SORCS1: variants seen among roughly 807,000 people sequenced by gnomAD.
The protein encoded by SORCS1 is sortilin related VPS10 domain containing receptor 1.
A neutral mutation model predicts 146.1 loss-of-function variants in SORCS1; 60 were observed. That is an observed-to-expected ratio of 0.41 (90% CI 0.33 to 0.51). SORCS1 has a LOEUF of 0.51. Among genes scored for constraint, SORCS1 ranks in the 20% least tolerant of loss-of-function variants. The probability of loss-of-function intolerance (pLI) is 0.21; values close to 1 mark genes in which losing one functional copy is unlikely to be tolerated. For missense variants in SORCS1, 1,352 were observed against 1,487.6 expected, an observed-to-expected ratio of 0.91 and a Z score of 1.50; for synonymous variants, 637 against 584.0, an observed-to-expected ratio of 1.09 and a Z score of -1.31.
rs983300488 is a variant in SORCS1, at chr10:107,013,159, G to GC, written c.559-56580dup. Among the ~76,000 whole-genome samples, 96 of 152,238 alleles carry GC rather than the reference G, an allele frequency of 6.3e-4. 2 individuals carry two copies. Among genetic ancestry groups the GC allele is most frequent in the African/African-American group, 2.3e-3 (95 of 41,554 alleles). On this transcript the variant is annotated intron_variant, in intron 1 of 25. Transcript: ENST00000263054. ...TAAACAAATAGAAAGTCTGAACACT[G>GC]CCCCTTGGCTTTTGGCAGGCTCCCT...
intron 2 of SORCS1, among the ~76,000 whole-genome samples, chr10:106,870,063 G>T (rs1435359975): frequency 1.3e-5 from 2 of 151,930 alleles, no homozygotes; most frequent in Non-Finnish European, 2.9e-5. Flanking sequence ...CAAGCAGAAA[G>T]CCAAATCAGG....
intron 2 of SORCS1, among the ~76,000 whole-genome samples, chr10:106,918,754 AT>A (rs1481101894): frequency 2.6e-5 from 4 of 152,228 alleles, no homozygotes; most frequent in African/African-American, 9.6e-5. Flanking sequence ...TTTATACTTA[AT>A]TTTACTGAAA....
chr10:107,082,169 G>T (rs558931494), intron 1 of SORCS1, among the ~76,000 whole-genome samples: 25 of 152,278 alleles, frequency 1.6e-4, no homozygotes, highest in South Asian at 1.0e-3. Context: ...TCAGAGCAAA[G>T]ATTTTTCTGT....
At chr10:106,959,616 TTC>T (rs547411599) in intron 1 of SORCS1, among the ~76,000 whole-genome samples, 2 of 152,336 alleles carry the variant, frequency 1.3e-5, no homozygotes, top group South Asian at 4.1e-4. Flanking sequence ...TCTGGTTTTA[TTC>T]TCTGTTGTTT....
chr10:106,922,568 G>A (rs1378016576), intron 2 of SORCS1, among the ~76,000 whole-genome samples: 1 of 151,498 alleles, frequency 6.6e-6, no homozygotes, highest in Non-Finnish European at 1.5e-5. Context: ...GCAAATTTAA[G>A]TGAAAGTACA....
intron 1 of SORCS1, among the ~76,000 whole-genome samples, chr10:107,140,842 T>C (rs1967763611): frequency 6.6e-6 from 1 of 152,186 alleles, no homozygotes; most frequent in African/African-American, 2.4e-5. Flanking sequence ...GGTCACAATA[T>C]TAGTTTCATT....
At chr10:106,579,123 A>G (rs765132820) in intron 25 of SORCS1, 12 of 1,613,980 alleles carry the variant, frequency 7.4e-6, no homozygotes, top group Admixed American at 1.7e-5. Flanking sequence ...CTCATCTATA[A>G]GCTGGCCAGG....
At chr10:107,024,007 C>T (rs1433921150) in intron 1 of SORCS1, among the ~76,000 whole-genome samples, 2 of 151,988 alleles carry the variant, frequency 1.3e-5, no homozygotes, top group African/African-American at 2.4e-5. Context: ...AACCACGTCT[C>T]TACTAAAGAC....
At chr10:106,606,172 C>T (rs557059886) in intron 23 of SORCS1, among the ~76,000 whole-genome samples, 1 of 152,042 alleles carries the variant, frequency 6.6e-6, no homozygotes, top group Admixed American at 6.5e-5. Flanking sequence ...ATCCCCACTA[C>T]AGAGACAGGA....
intron 1 of SORCS1, among the ~76,000 whole-genome samples, chr10:107,113,470 C>A (rs948249706): frequency 6.6e-6 from 1 of 151,914 alleles, no homozygotes; most frequent in Non-Finnish European, 1.5e-5. Flanking sequence ...AGATGGATCA[C>A]GAGGTCAAGA....
chr10:106,980,061 CAA>C (rs879359461), intron 1 of SORCS1, among the ~76,000 whole-genome samples: 4 of 152,132 alleles, frequency 2.6e-5, no homozygotes, highest in Non-Finnish European at 5.9e-5. Flanking sequence ...GTGGCAGAAC[CAA>C]AGACTCTAGA....
intron 1 of SORCS1, among the ~76,000 whole-genome samples, chr10:107,057,517 C>T (rs935520548): frequency 4.6e-5 from 7 of 152,104 alleles, no homozygotes; most frequent in Non-Finnish European, 1.0e-4. Flanking sequence ...CAACTCCAAA[C>T]CCAAACCAAG....
intron 1 of SORCS1, among the ~76,000 whole-genome samples, chr10:107,008,937 C>CA: frequency 6.6e-6 from 1 of 152,340 alleles, no homozygotes; most frequent in Admixed American, 6.5e-5. Flanking sequence ...GTGGAGGCTG[C>CA]AGTGAGCCAA....
chr10:107,090,023 C>T (rs1171427374), intron 1 of SORCS1, among the ~76,000 whole-genome samples: 1 of 152,194 alleles, frequency 6.6e-6, no homozygotes, highest in African/African-American at 2.4e-5. Flanking sequence ...GTGTTTATTT[C>T]ACTTTGCAAC....
At chr10:106,785,379 A>T (rs2136455225) in intron 3 of SORCS1, among the ~76,000 whole-genome samples, 1 of 152,294 alleles carries the variant, frequency 6.6e-6, no homozygotes, top group East Asian at 1.9e-4. Context: ...CCTTCCTATG[A>T]AGTGGGCATA....
intron 3 of SORCS1, among the ~76,000 whole-genome samples, chr10:106,807,089 G>C (rs1171906349): frequency 6.6e-6 from 1 of 152,004 alleles, no homozygotes; most frequent in Admixed American, 6.6e-5. Context: ...TTTCTCTTTA[G>C]ATTACTTCTC....
At chr10:106,895,799 A>T (rs1433482394) in intron 2 of SORCS1, among the ~76,000 whole-genome samples, 1 of 152,206 alleles carries the variant, frequency 6.6e-6, no homozygotes, top group African/African-American at 2.4e-5. Flanking sequence ...GTCCAAACAG[A>T]GTCTCAAAGG....
rs772428577 is a variant in SORCS1 at position 106,956,471 on chromosome 10, C to T, written c.626+42G>A. On this transcript the variant is annotated intron_variant, in intron 2 of 25. Transcript: ENST00000263054. ...TGGGACAGCAGTAGCAGGCATCATG[C>T]TTAAATAACACGGTAATTATTAGCT... 3.4e-5 allele frequency: 54 copies of T among 1,591,770 alleles called. 2 individuals carry two copies. Among genetic ancestry groups the T allele is most frequent in the Middle Eastern group, 3.3e-4 (2 of 6,020 alleles).
intron 2 of SORCS1, among the ~76,000 whole-genome samples, chr10:106,911,131 G>A (rs1001193356): frequency 2.0e-5 from 3 of 152,220 alleles, no homozygotes; most frequent in Admixed American, 1.3e-4. Context: ...GCAAGTCAAA[G>A]TATTCTGTAA....
Sources: allele counts gnomAD v4.1 joint callset (sites outside exome capture counted in the v4.1 genomes callset), GRCh38; gene constraint gnomAD v4.1.1; transcripts MANE v1.5; gene names NCBI Gene and HGNC (gene_info 2026-07-23, HGNC 2026-07-21).